RFT1: variants seen among roughly 807,000 people sequenced by gnomAD.
RFT1 encodes the protein RFT1 glycolipid translocator homolog.
RFT1 carries 43 observed loss-of-function variants against 62.2 expected under a neutral mutation model. The observed-to-expected ratio is 0.69, with a 90% CI of 0.54 to 0.89. RFT1 has a LOEUF of 0.89. RFT1 is among the 40% of genes least tolerant of loss of function. The pLI is 0.00. For synonymous variants in RFT1, 262 were observed against 264.6 expected (o/e 0.99, Z 0.10); for missense variants, 605 against 649.9 (o/e 0.93, Z 0.75).
At chr3:53,082,180 T>C in the RFT1 span, among the ~76,000 whole-genome samples, 4 of 152,134 alleles carry the variant, frequency 2.6e-5, no homozygotes, top group African/African-American at 9.7e-5. Context: ...TGGGCTCTAA[T>C]AGAGGGAGGA....
chr3:53,103,916 G>A, intron 10 of RFT1, 37 bp downstream of exon 10: 1 of 1,612,804 alleles, frequency 6.2e-7, no homozygotes, highest in South Asian at 1.1e-5. Flanking sequence ...TTTATGTTGG[G>A]AAATCAGAAA....
the RFT1 span, among the ~76,000 whole-genome samples, chr3:53,072,658 G>A: frequency 9.8e-5 from 15 of 152,334 alleles, no homozygotes; most frequent in African/African-American, 3.1e-4. Flanking sequence ...AAAGCCTAAA[G>A]GCTCAGGGAG....
Position 53,108,794 on chromosome 3 carries a change from G to A in RFT1, c.776-1925C>T, listed in dbSNP as rs533416564. Among the ~76,000 whole-genome samples the A allele has an allele frequency of 2.3e-4, 35 of 151,484 alleles. No homozygotes were observed. The South Asian group carries it at 5.8e-3, about 25-fold the overall frequency. On this transcript the variant is annotated intron_variant, in intron 7 of 12. Transcript: ENST00000296292. Reference sequence around the variant, plus strand: ...GGGCTCACTGCAACCTCTGCCTCCCGAGTAGCTGGGATAACAGGCGCCTGC... The same window carrying A: ...GGGCTCACTGCAACCTCTGCCTCCCAAGTAGCTGGGATAACAGGCGCCTGC...
At chr3:53,087,024 G>A (rs544446170), downstream of RFT1, among the ~76,000 whole-genome samples, 11 of 152,268 alleles carry the variant, frequency 7.2e-5, no homozygotes, top group South Asian at 4.1e-4. Flanking sequence ...GATCACTTGC[G>A]GTCAGGAGTT....
chr3:53,115,151 T>C (rs1701756928), intron 6 of RFT1, among the ~76,000 whole-genome samples: 1 of 152,206 alleles, frequency 6.6e-6, no homozygotes. Context: ...TCTTACTCTT[T>C]CTCTAGCCTA....
the RFT1 span, among the ~76,000 whole-genome samples, chr3:53,079,008 C>G: frequency 6.6e-6 from 1 of 152,254 alleles, no homozygotes; most frequent in East Asian, 1.9e-4. Flanking sequence ...GGGCTGGGAT[C>G]GGAATACAGT....
intron 2 of RFT1, among the ~76,000 whole-genome samples, chr3:53,124,816 A>T (rs376361933): frequency 2.0e-5 from 3 of 150,968 alleles, no homozygotes; most frequent in Admixed American, 6.6e-5. Flanking sequence ...TACAAAAAAT[A>T]AAAAAATTAT....
At chr3:53,120,867 T>C (rs1701949773) in intron 5 of RFT1, among the ~76,000 whole-genome samples, 1 of 152,168 alleles carries the variant, frequency 6.6e-6, no homozygotes, top group Non-Finnish European at 1.5e-5. Context: ...CTCCCAACCA[T>C]GCCTGAGACA....
At chr3:53,073,213 G>A in the RFT1 span, among the ~76,000 whole-genome samples, 1 of 152,372 alleles carries the variant, frequency 6.6e-6, no homozygotes, top group East Asian at 1.9e-4. Context: ...CCTCTGCCCA[G>A]GCTGGGTTCC....
intron 11 of RFT1, among the ~76,000 whole-genome samples, chr3:53,098,540 T>C (rs56332721): frequency 0.1 from 15,331 of 152,048 alleles, 881 homozygotes; most frequent in Non-Finnish European, 0.12. Flanking sequence ...CGGTGGCTCA[T>C]GCCTGTAATC....
At chr3:53,076,808 A>G in the RFT1 span, among the ~76,000 whole-genome samples, 1 of 152,078 alleles carries the variant, frequency 6.6e-6, no homozygotes, top group Non-Finnish European at 1.5e-5. Flanking sequence ...AAAATTAGGC[A>G]TGGTAGCACA....
chr3:53,074,502 A>G, the RFT1 span, among the ~76,000 whole-genome samples: 1 of 152,006 alleles, frequency 6.6e-6, no homozygotes, highest in Non-Finnish European at 1.5e-5. Context: ...AAACAGGGCT[A>G]AGGCAGGTCC....
chr3:53,124,337 C>G (rs1218993561), intron 2 of RFT1, among the ~76,000 whole-genome samples: 1 of 152,184 alleles, frequency 6.6e-6, no homozygotes, highest in Non-Finnish European at 1.5e-5. Flanking sequence ...TGCCTGGGTA[C>G]CTCCCAGGTG....
chr3:53,123,203 G>A (rs1238283590), intron 3 of RFT1, among the ~76,000 whole-genome samples: 3 of 152,196 alleles, frequency 2.0e-5, no homozygotes, highest in African/African-American at 7.2e-5. Context: ...GACCTAGCTG[G>A]AGAAAAGCCA....
intron 11 of RFT1, among the ~76,000 whole-genome samples, chr3:53,094,174 A>G (rs1458276660): frequency 6.6e-6 from 1 of 152,068 alleles, no homozygotes; most frequent in African/African-American, 2.4e-5. Context: ...GCTTGAGGCC[A>G]AGAGTTTGAG....
downstream of RFT1, among the ~76,000 whole-genome samples, chr3:53,085,113 G>A (rs766695618): frequency 2.0e-5 from 3 of 152,164 alleles, no homozygotes; most frequent in East Asian, 5.8e-4. Context: ...GTGAGAGACT[G>A]CCCCCTCAGT....
At chr3:53,117,323 C>T (rs898988074) in intron 6 of RFT1, among the ~76,000 whole-genome samples, 1 of 152,184 alleles carries the variant, frequency 6.6e-6, no homozygotes, top group Non-Finnish European at 1.5e-5. Flanking sequence ...AGGGGCCTCA[C>T]AGGTCACGTA....
intron 5 of RFT1, among the ~76,000 whole-genome samples, chr3:53,121,142 C>T (rs9757079): frequency 0.26 from 40,022 of 152,040 alleles, 5,659 homozygotes; most frequent in Middle Eastern, 0.4. Flanking sequence ...TTATTAGAAC[C>T]AGAAATATGA....
intron 10 of RFT1, chr3:53,103,014 A>G: frequency 1.3e-6 from 1 of 771,592 alleles, no homozygotes; most frequent in Middle Eastern, 6.5e-4. Flanking sequence ...CCAGATGGAA[A>G]TACACTTCTC....
Sources: gnomAD v4.1 joint callset for allele counts (sites outside exome capture counted in the v4.1 genomes callset) on GRCh38, gnomAD v4.1.1 for gene constraint, MANE v1.5 for transcripts, NCBI Gene and HGNC (gene_info 2026-07-23, HGNC 2026-07-21) for gene names.